Variants in RBM19 observed in about 807,000 individuals in gnomAD.
RBM19 encodes probable RNA-binding protein 19.
A neutral mutation model predicts 116.8 loss-of-function variants in RBM19; 94 were observed. That is an observed-to-expected ratio of 0.80 (90% CI 0.68 to 0.95). The LOEUF (loss-of-function observed/expected upper bound fraction) is 0.95. Among genes scored for constraint, RBM19 ranks in the 40% least tolerant of loss-of-function variants. The pLI is 0.00. For missense variants in RBM19, 1,161 were observed against 1,220.7 expected (o/e 0.95, Z 0.73); for synonymous variants, 475 against 494.1 (o/e 0.96, Z 0.51).
chr12:113,937,142 G>A lies in RBM19; in HGVS notation c.1939-6C>T, dbSNP rs1870145490. The A allele has an allele frequency of 1.9e-6, 3 of 1,614,000 alleles. No individual in the cohort carries two copies. Among genetic ancestry groups the A allele is most frequent in the Non-Finnish European group, 2.5e-6 (3 of 1,179,956 alleles). On this transcript the variant is annotated splice_polypyrimidine_tract_variant and splice_region_variant and intron_variant, in intron 15 of 23. Coordinates refer to ENST00000261741, the MANE Select transcript of RBM19 (RefSeq NM_016196.4). ...TAGAGGGGGACATGATGGAACTGCA[G>A]AGACAAGAGTGATGGCCCTGTGGGT... is the stretch of plus-strand genomic sequence containing the variant.
chr12:113,841,847 C>T (rs1463725926), intron 23 of RBM19, among the ~76,000 whole-genome samples: 1 of 152,170 alleles, frequency 6.6e-6, no homozygotes, highest in Admixed American at 6.5e-5. Context: ...GCTGAGTAGA[C>T]ATAGCACTGC....
intron 21 of RBM19, among the ~76,000 whole-genome samples, chr12:113,893,270 C>G (rs571891870): frequency 6.6e-6 from 1 of 152,048 alleles, no homozygotes; most frequent in East Asian, 1.9e-4. Flanking sequence ...CTCAGCCTCC[C>G]AAAGTTCTGG....
chr12:113,819,830 T>C (rs4767135), downstream of RBM19, among the ~76,000 whole-genome samples: 140,077 of 152,266 alleles, frequency 0.92, 64,448 homozygotes, highest in East Asian at 0.97. Flanking sequence ...GCCAGGCAAA[T>C]GACTTTTCCC....
At chr12:113,876,826 A>C (rs1879702318) in intron 21 of RBM19, among the ~76,000 whole-genome samples, 1 of 152,184 alleles carries the variant, frequency 6.6e-6, no homozygotes, top group Admixed American at 6.5e-5. Flanking sequence ...AAAATGTAAG[A>C]AAAAAGAAGT....
intron 21 of RBM19, among the ~76,000 whole-genome samples, chr12:113,905,881 G>T (rs1882008195): frequency 6.6e-6 from 1 of 152,162 alleles, no homozygotes; most frequent in African/African-American, 2.4e-5. Flanking sequence ...GAACTATCAG[G>T]GAAGCACAGA....
intron 21 of RBM19, among the ~76,000 whole-genome samples, chr12:113,873,488 C>T (rs540970766): frequency 1.1e-5 from 1 of 91,582 alleles, no homozygotes; most frequent in Non-Finnish European, 2.2e-5. Flanking sequence ...GCAGCATGCT[C>T]GTTAAGAGTC....
chr12:113,937,469 C>T (rs771211999), intron 15 of RBM19, among the ~76,000 whole-genome samples: 18 of 152,040 alleles, frequency 1.2e-4, no homozygotes, highest in South Asian at 4.1e-4. Flanking sequence ...GGACGAGGAG[C>T]GACCACATCA....
chr12:113,872,213 C>G (rs1169669451), intron 21 of RBM19, among the ~76,000 whole-genome samples: 4 of 146,680 alleles, frequency 2.7e-5, no homozygotes, highest in Non-Finnish European at 6.1e-5. Flanking sequence ...TCTGCCCGGC[C>G]GAGACCCTGT....
intron 15 of RBM19, among the ~76,000 whole-genome samples, chr12:113,937,755 T>TAA (rs35507198): frequency 1.1e-4 from 13 of 118,804 alleles, no homozygotes; most frequent in Non-Finnish European, 1.7e-4. Flanking sequence ...TCCTGCCTCT[T>TAA]AAAAAAAAAA....
chr12:113,885,722 G>A lies in RBM19; in HGVS notation c.2559-26826C>T, dbSNP rs140357615. Among the ~76,000 whole-genome samples the A allele has an allele frequency of 2.9e-3, 447 of 152,242 alleles. 5 individuals carry two copies. The highest frequency in any genetic ancestry group is 0.01 in the African/African-American group (432 of 41,536). On this transcript the variant is annotated intron_variant, in intron 21 of 23. Coordinates refer to ENST00000261741, the MANE Select transcript of RBM19 (RefSeq NM_016196.4). ...ACCAGTATGGGAATATAGAGAGAATGATAAACATTAACTTTGGGGAATATG... is the reference window on the plus strand; with the variant it reads ...ACCAGTATGGGAATATAGAGAGAATAATAAACATTAACTTTGGGGAATATG...
At chr12:113,860,749 T>C (rs4766700) in intron 21 of RBM19, among the ~76,000 whole-genome samples, 10,047 of 152,180 alleles carry the variant, frequency 0.066, 648 homozygotes, top group East Asian at 0.34. Context: ...CTGTGCCCCC[T>C]GACCAGGGCT....
At chr12:113,939,876 AT>A in intron 15 of RBM19, 83 bp downstream of exon 15, 1 of 1,435,974 alleles carries the variant, frequency 7.0e-7, no homozygotes, top group Non-Finnish European at 9.6e-7. Flanking sequence ...ACATCTGTGA[AT>A]CCATAGCCCA....
At chr12:113,854,379 C>T (rs995440153) in intron 22 of RBM19, among the ~76,000 whole-genome samples, 4 of 152,130 alleles carry the variant, frequency 2.6e-5, no homozygotes, top group East Asian at 1.9e-4. Context: ...GCCGTGCACA[C>T]GGTGTAGACC....
At chr12:113,831,505 C>T (rs1406695872) in intron 23 of RBM19, among the ~76,000 whole-genome samples, 1 of 152,206 alleles carries the variant, frequency 6.6e-6, no homozygotes, top group Non-Finnish European at 1.5e-5. Flanking sequence ...AATCCCGGCC[C>T]AGCCCCTGCC....
At chr12:113,838,064 A>T (rs1233733253) in intron 23 of RBM19, among the ~76,000 whole-genome samples, 2 of 152,248 alleles carry the variant, frequency 1.3e-5, no homozygotes, top group African/African-American at 2.4e-5. Flanking sequence ...AGTAAAAACA[A>T]GGAAGATAAT....
chr12:113,841,422 CTTTTTT>C lies in RBM19; in HGVS notation c.2785+3240_2785+3245del, dbSNP rs71089416. On this transcript the variant is annotated intron_variant, in intron 23 of 23. Coordinates refer to ENST00000261741, the MANE Select transcript of RBM19 (RefSeq NM_016196.4). ...CGGCCTGGGACTTTCTTTTTCTTTT[CTTTTTT>C]TTTTTTTTTTTTTGAGATGGAGTCT... is the stretch of plus-strand genomic sequence containing the variant. Among the ~76,000 whole-genome samples, 3 of 130,008 alleles carry C rather than the reference CTTTTTT, an allele frequency of 2.3e-5. No individual in the cohort carries two copies. In the East Asian group the frequency reaches 6.6e-4, roughly 29 times the overall value. 85.3% of individuals were successfully genotyped at this position (130,008 alleles called of 152,430 possible). A position where few individuals can be genotyped will look rare whatever the true frequency, so the allele number is the denominator to read the frequency against.
At chr12:113,937,234 G>A in intron 15 of RBM19, 98 bp from the exon 16 acceptor site, 1 of 1,440,626 alleles carries the variant, frequency 6.9e-7, no homozygotes, top group Non-Finnish European at 9.4e-7. Context: ...GGGTCACAGA[G>A]GATGGGCAAC....
At chr12:113,945,427 A>G (rs572420496) in intron 13 of RBM19, among the ~76,000 whole-genome samples, 7 of 152,080 alleles carry the variant, frequency 4.6e-5, no homozygotes, top group Non-Finnish European at 5.9e-5. Flanking sequence ...TCCCACCTCC[A>G]CCTCTTTGCA....
At chr12:113,832,195 CTTTTTTT>C (rs11410268) in intron 23 of RBM19, among the ~76,000 whole-genome samples, 1 of 145,268 alleles carries the variant, frequency 6.9e-6, no homozygotes. Context: ...TTTCTTTTTT[CTTTTTTT>C]TTTTTTAGAC....
Sources: gnomAD v4.1 joint callset for allele counts (sites outside exome capture counted in the v4.1 genomes callset) on GRCh38, gnomAD v4.1.1 for gene constraint, MANE v1.5 for transcripts, NCBI Gene and HGNC (gene_info 2026-07-23, HGNC 2026-07-21) for gene names.